TOB1: variants seen among roughly 807,000 people sequenced by gnomAD.
TOB1 encodes transducer of ERBB2, 1.
Under a neutral mutation model 22.9 loss-of-function variants are expected in TOB1, and 2 were observed. The observed-to-expected ratio is 0.09, with a 90% CI of 0.04 to 0.28. The LOEUF (loss-of-function observed/expected upper bound fraction) is 0.28. Ranked by LOEUF, TOB1 falls within the 10% of genes least tolerant of loss-of-function variation. The probability of loss-of-function intolerance (pLI) is 1.00; values close to 1 mark genes in which losing one functional copy is unlikely to be tolerated. For missense variants in TOB1, 299 were observed against 420.5 expected (o/e 0.71, Z 2.53); for synonymous variants, 154 against 150.6 (o/e 1.02, Z -0.17).
chr17:50,862,708 T>G lies in TOB1; in HGVS notation c.*272A>C. 3.1e-6 allele frequency: 1 copy of G among 327,782 alleles called. No homozygotes were observed. Among genetic ancestry groups the G allele is most frequent in the Non-Finnish European group, 5.4e-6 (1 of 186,398 alleles). The allele number at this position is 327,782 out of a possible 1,614,324, so 20.3% of individuals were successfully genotyped here. A position where few individuals can be genotyped will look rare whatever the true frequency, so the allele number is the denominator to read the frequency against. On this transcript the variant is annotated 3_prime_UTR_variant, in exon 2 of 2. Transcript: ENST00000499247. ...CAATAAACCCACTTATTAGTGCCAA[T>G]TTTTATAAAAAAAAATCAGCCATGT...
At position 50,863,898 on chromosome 17, in the gene TOB1, A is replaced by G. The variant is rs377647202; in HGVS notation, c.120T>C (p.Tyr40=). ...EELERLLKKK[Y]EGHWYPEKPY... ...GCTTTTCAGGATACCAGTGCCCTTC[A>G]TATTTCTTCTTAAGAAGTCTTTCAA... The change falls in exon 2 of 2, where the codon TAT becomes TAC. Residue 40 remains tyrosine (Y), a synonymous_variant. Transcript: ENST00000499247. 5 of 1,613,960 alleles carry G rather than the reference A, an allele frequency of 3.1e-6. No individual in the cohort carries two copies. The African/African-American group carries it at 6.7e-5, about 22-fold the overall frequency.
chr17:50,867,392 G>C (rs902762350), upstream of TOB1: 1 of 152,214 alleles, frequency 6.6e-6, no homozygotes, highest in Non-Finnish European at 1.5e-5. Context: ...ACTCGTGGTG[G>C]GGGGCGGGTA....
rs1249506904 is a variant in TOB1 at position 50,862,534 on chromosome 17, TAAAA to T, written c.*442_*445del. On this transcript the variant is annotated 3_prime_UTR_variant, in exon 2 of 2. Transcript: ENST00000499247. Reference sequence around the variant, plus strand: ...TAAGATGGATATTTTACAATTTCAGTAAAAAAAATACAACATGAAGCTGCTGCTG... The same window carrying T: ...TAAGATGGATATTTTACAATTTCAGTAAAATACAACATGAAGCTGCTGCTG... 6.5e-6 allele frequency: 1 copy of T among 153,342 alleles called. No homozygotes were observed. The allele number at this position is 153,342 out of a possible 1,614,324, so 9.5% of individuals were successfully genotyped here.
At chr17:50,864,469 G>A (rs1597990338) in intron 1 of TOB1, among the ~76,000 whole-genome samples, 1 of 151,914 alleles carries the variant, frequency 6.6e-6, no homozygotes, top group Non-Finnish European at 1.5e-5. Flanking sequence ...AAAATCTCTA[G>A]AACATGCATT....
At position 50,864,056 on chromosome 17, in the gene TOB1, C is replaced by CCAAA; in HGVS notation, c.-40_-39insTTTG. ...CAAAATTAGGTTTCAACTCCCCCAC[C>CCAAA]AAAAAAAAAAAAAAAAAAAAAAGAT... On this transcript the variant is annotated 5_prime_UTR_variant, in exon 2 of 2. Coordinates refer to ENST00000499247, the MANE Select transcript of TOB1 (RefSeq NM_005749.4). 9.6e-7 allele frequency: 1 copy of CCAAA among 1,038,188 alleles called. No individual in the cohort carries two copies. Among genetic ancestry groups the CCAAA allele is most frequent in the Non-Finnish European group, 1.2e-6 (1 of 860,176 alleles). The allele number at this position is 1,038,188 out of a possible 1,614,324, so 64.3% of individuals were successfully genotyped here.
rs541811921 is a variant in TOB1, at chr17:50,862,315, C to T, written c.*665G>A. On this transcript the variant is annotated 3_prime_UTR_variant, in exon 2 of 2. Coordinates refer to ENST00000499247, the MANE Select transcript of TOB1 (RefSeq NM_005749.4). The stretch of plus-strand genomic sequence containing the variant: ...ACACTGACTCAAAATACTTTTATAC[C>T]GTTTTTTTCAAGTATTGCACAATAT... The T allele has an allele frequency of 2.0e-5, 3 of 151,654 alleles. No homozygotes were observed. Among genetic ancestry groups the T allele is most frequent in the Non-Finnish European group, 3.0e-5 (2 of 67,784 alleles). 9.4% of individuals were successfully genotyped at this position (151,654 alleles called of 1,614,324 possible).
At position 50,863,204 on chromosome 17, in the gene TOB1, T is replaced by C; in HGVS notation, c.814A>G (p.Lys272Glu). 1 of 1,614,140 alleles carries C rather than the reference T, an allele frequency of 6.2e-7. No homozygotes were observed. The highest frequency in any genetic ancestry group is 8.5e-7 in the Non-Finnish European group (1 of 1,180,028). Residue 272 changes from lysine to glutamate, a missense_variant, in exon 2 of 2, where the codon AAG becomes GAG. Transcript: ENST00000499247. The stretch of plus-strand genomic sequence containing the variant: ...TGCATATTAGGAAAAATAAATTCCT[T>C]GGCATTAGGAGAAAGAGCAGAGGTT... ...QKTSALSPNA[K>E]EFIFPNMQGQ...
At position 50,864,206 on chromosome 17, in the gene TOB1, A is replaced by G. The variant is rs1242183528; in HGVS notation, c.-146-43T>C. The G allele has an allele frequency of 1.5e-5, 18 of 1,181,356 alleles. No homozygotes were observed. In the East Asian group the frequency reaches 2.1e-4, roughly 14 times the overall value. 73.2% of individuals were successfully genotyped at this position (1,181,356 alleles called of 1,614,324 possible). A position where few individuals can be genotyped will look rare whatever the true frequency, so the allele number is the denominator to read the frequency against. ...CATATCCAAATAAGATAAATGTAAT[A>G]TAAGTCCCATGACCTTCCCCCCTCC... On this transcript the variant is annotated intron_variant, in intron 1 of 1. Transcript: ENST00000499247.
chr17:50,867,245 C>T (rs759814953), upstream of TOB1: 4 of 152,328 alleles, frequency 2.6e-5, no homozygotes, highest in Non-Finnish European at 5.9e-5. Flanking sequence ...TGTCTACACA[C>T]ACACGCATGC....
Position 50,863,510 on chromosome 17 carries a change from G to C in TOB1, c.508C>G (p.Arg170Gly), listed in dbSNP as rs748710916. The change falls in exon 2 of 2, where the codon CGG becomes GGG. Residue 170 changes from arginine (R) to glycine (G), a missense_variant. Coordinates refer to ENST00000499247, the MANE Select transcript of TOB1 (RefSeq NM_005749.4). ...GTAAAGGTTAAAGGCTGAGTGGACC[G>C]GGGCATGAAGGTAGGGCTTACAGCA... is the stretch of plus-strand genomic sequence containing the variant. ...SAAVSPTFMP[R>G]STQPLTFTTA... The C allele has an allele frequency of 1.2e-6, 2 of 1,614,162 alleles. No individual in the cohort carries two copies. Among genetic ancestry groups the C allele is most frequent in the Non-Finnish European group, 1.7e-6 (2 of 1,180,028 alleles).
chr17:50,866,395 C>T (rs1333248657), upstream of TOB1: 1 of 152,104 alleles, frequency 6.6e-6, no homozygotes, highest in African/African-American at 2.4e-5. Context: ...TGGCCTCCTC[C>T]CCGCCCCCAT....
chr17:50,867,593 A>T (rs931122840), upstream of TOB1: 7 of 152,192 alleles, frequency 4.6e-5, no homozygotes, highest in South Asian at 6.2e-4. Context: ...GACTGGGAAA[A>T]GGGGAAAGTC....
At position 50,863,606 on chromosome 17, in the gene TOB1, C is replaced by A; in HGVS notation, c.412G>T (p.Val138Phe). The A allele has an allele frequency of 6.2e-7, 1 of 1,614,140 alleles. No homozygotes were observed. Among genetic ancestry groups the A allele is most frequent in the South Asian group, 1.1e-5 (1 of 91,074 alleles). Residue 138 changes from valine to phenylalanine, a missense_variant, in exon 2 of 2, where the codon GTT (valine) becomes TTT (phenylalanine). Physicochemically the swap from Val to Phe is conservative, Grantham distance 50. Coordinates refer to ENST00000499247, the MANE Select transcript of TOB1 (RefSeq NM_005749.4). The stretch of plus-strand genomic sequence containing the variant: ...GCTGGGTCACTTATGGGCATAAAAA[C>A]CTGGGCCTCTGGGTTAAAGCTGTTT... The part of the protein sequence containing the change: ...IKNSFNPEAQ[V>F]FMPISDPASS...
rs1284521768 is a variant in TOB1 at position 50,864,055 on chromosome 17, C to CAAA, written c.-39_-38insTTT. On this transcript the variant is annotated 5_prime_UTR_variant, in exon 2 of 2. Coordinates refer to ENST00000499247, the MANE Select transcript of TOB1 (RefSeq NM_005749.4). ...ACAAAATTAGGTTTCAACTCCCCCA[C>CAAA]CAAAAAAAAAAAAAAAAAAAAAAGA... 7.1e-5 allele frequency: 48 copies of CAAA among 679,606 alleles called. 3 individuals carry two copies. The South Asian group carries it at 8.7e-4, about 12-fold the overall frequency. 42.1% of individuals were successfully genotyped at this position (679,606 alleles called of 1,614,324 possible). A position where few individuals can be genotyped will look rare whatever the true frequency, so the allele number is the denominator to read the frequency against.
chr17:50,864,806 G>A (rs1411390580), intron 1 of TOB1, among the ~76,000 whole-genome samples: 2 of 152,152 alleles, frequency 1.3e-5, no homozygotes, highest in Non-Finnish European at 2.9e-5. Context: ...AGTATACTAA[G>A]AGCATACAAT....
Position 50,863,965 on chromosome 17 carries a change from T to C in TOB1, c.53A>G (p.Asn18Ser). The C allele has an allele frequency of 1.2e-6, 2 of 1,600,678 alleles. No homozygotes were observed. Among genetic ancestry groups the C allele is most frequent in the East Asian group, 2.2e-5 (1 of 44,478 alleles). Residue 18 changes from asparagine (N) to serine (S), a missense_variant, in exon 2 of 2, where the codon AAT becomes AGT. Coordinates refer to ENST00000499247, the MANE Select transcript of TOB1 (RefSeq NM_005749.4). ...GTTGACACGTCTCCTGGGAAGCTTA[T>C]TGTACAAATACGAAATAATAAAATT... ...ALNFIISYLY[N>S]KLPRRRVNIF...
At position 50,862,806 on chromosome 17, in the gene TOB1, T is replaced by G; in HGVS notation, c.*174A>C. On this transcript the variant is annotated 3_prime_UTR_variant, in exon 2 of 2. Transcript: ENST00000499247. Reference sequence around the variant, plus strand: ...TTTAAAATATACAGTCAGTATAAAATAACTTTGTGCTTGGTTGGCAAATGA... The same window carrying G: ...TTTAAAATATACAGTCAGTATAAAAGAACTTTGTGCTTGGTTGGCAAATGA... 1.1e-6 allele frequency: 1 copy of G among 901,672 alleles called. No homozygotes were observed. The highest frequency in any genetic ancestry group is 1.6e-6 in the Non-Finnish European group (1 of 635,202). The allele number at this position is 901,672 out of a possible 1,614,324, so 55.9% of individuals were successfully genotyped here.
At chr17:50,864,701 G>A (rs9909371) in intron 1 of TOB1, among the ~76,000 whole-genome samples, 27 of 152,096 alleles carry the variant, frequency 1.8e-4, no homozygotes, top group African/African-American at 5.8e-4. Flanking sequence ...AATTTCCATA[G>A]TACATGATGC....
rs149665551 is a variant in TOB1, at chr17:50,865,273, T to C, written c.-147+785A>G. 9.2e-5 allele frequency among the ~76,000 whole-genome samples: 14 copies of C among 152,288 alleles called. No individual in the cohort carries two copies. In the East Asian group the frequency reaches 2.7e-3, roughly 29 times the overall value. On this transcript the variant is annotated intron_variant, in intron 1 of 1. Coordinates refer to ENST00000499247, the MANE Select transcript of TOB1 (RefSeq NM_005749.4). ...CCCCAAACTACAAACACTTTCCAAGTCAAAAGCCTGAGTGCCGGCAGAGGC... is the reference window on the plus strand; with the variant it reads ...CCCCAAACTACAAACACTTTCCAAGCCAAAAGCCTGAGTGCCGGCAGAGGC...
Sources: gnomAD v4.1 joint callset for allele counts (sites outside exome capture counted in the v4.1 genomes callset) on GRCh38, gnomAD v4.1.1 for gene constraint, MANE v1.5 for transcripts, NCBI Gene and HGNC (gene_info 2026-07-23, HGNC 2026-07-21) for gene names.